Variants in IGSF21 observed in about 807,000 individuals in gnomAD.
IGSF21 encodes the protein immunoglobin superfamily member 21, also known as immunoglobulin superfamily member 21.
IGSF21 carries 28 observed loss-of-function variants against 46.8 expected under a neutral mutation model. The observed-to-expected ratio is 0.60, with a 90% CI of 0.44 to 0.82. The LOEUF is 0.82. Ranked by LOEUF, IGSF21 falls within the 40% of genes least tolerant of loss-of-function variation. IGSF21 has a pLI of 0.00. For missense variants in IGSF21, 624 were observed against 665.5 expected (o/e 0.94, Z 0.69); for synonymous variants, 284 against 273.6 (o/e 1.04, Z -0.38).
intron 3 of IGSF21, among the ~76,000 whole-genome samples, chr1:18,315,623 TTGGTAGATGGTA>T (rs2085535058): frequency 6.9e-6 from 1 of 145,360 alleles, no homozygotes; most frequent in African/African-American, 2.6e-5. Flanking sequence ...GGATGATGGA[TTGGTAGATGGTA>T]GGATGGATGG....
intron 2 of IGSF21, among the ~76,000 whole-genome samples, chr1:18,239,143 C>A (rs1388594439): frequency 2.0e-5 from 3 of 152,164 alleles, no homozygotes; most frequent in African/African-American, 7.2e-5. Flanking sequence ...TGATTTCCAG[C>A]AGATTCTTCC....
chr1:18,324,996 T>C (rs1205148975), intron 3 of IGSF21, among the ~76,000 whole-genome samples: 1 of 152,212 alleles, frequency 6.6e-6, no homozygotes, highest in Non-Finnish European at 1.5e-5. Context: ...GATGAGACAA[T>C]TTGCTCTTGA....
chr1:18,356,016 G>T (rs770759926), intron 4 of IGSF21, among the ~76,000 whole-genome samples: 1 of 151,872 alleles, frequency 6.6e-6, no homozygotes, highest in African/African-American at 2.4e-5. Flanking sequence ...CGTATTTTTA[G>T]TAGAGAGACG....
At chr1:18,269,063 A>G (rs2085436160) in intron 2 of IGSF21, among the ~76,000 whole-genome samples, 1 of 152,220 alleles carries the variant, frequency 6.6e-6, no homozygotes, top group African/African-American at 2.4e-5. Context: ...CCAGGAGCAA[A>G]TGAGCTGTAA....
chr1:18,374,797 A>C (rs1245066915), intron 6 of IGSF21, among the ~76,000 whole-genome samples: 2 of 152,188 alleles, frequency 1.3e-5, no homozygotes, highest in Non-Finnish European at 2.9e-5. Flanking sequence ...TCCGGGGACC[A>C]GCAAGGAAAG....
At chr1:18,140,241 G>T (rs1345453987) in intron 1 of IGSF21, among the ~76,000 whole-genome samples, 1 of 152,186 alleles carries the variant, frequency 6.6e-6, no homozygotes, top group Non-Finnish European at 1.5e-5. Context: ...CCTTGCTGTT[G>T]GTGTTGATAC....
intron 2 of IGSF21, among the ~76,000 whole-genome samples, chr1:18,235,890 G>A (rs2084668395): frequency 6.6e-6 from 1 of 152,170 alleles, no homozygotes; most frequent in East Asian, 1.9e-4. Flanking sequence ...CAGTGGTTTG[G>A]TTGACTACCA....
At chr1:18,222,256 G>A (rs1215048178) in intron 1 of IGSF21, among the ~76,000 whole-genome samples, 1 of 152,154 alleles carries the variant, frequency 6.6e-6, no homozygotes, top group African/African-American at 2.4e-5. Flanking sequence ...TCTGCCTCGG[G>A]GGAGGATCTC....
chr1:18,175,011 A>T (rs894210830), intron 1 of IGSF21, among the ~76,000 whole-genome samples: 5 of 152,194 alleles, frequency 3.3e-5, no homozygotes, highest in African/African-American at 1.2e-4. Context: ...CATCTTGCAG[A>T]TGATGGGTAA....
At chr1:18,336,609 T>C (rs2085769122) in intron 4 of IGSF21, among the ~76,000 whole-genome samples, 1 of 152,156 alleles carries the variant, frequency 6.6e-6, no homozygotes, top group Admixed American at 6.5e-5. Context: ...AAGGCCTCAA[T>C]CTAAGGTGCC....
intron 3 of IGSF21, among the ~76,000 whole-genome samples, chr1:18,325,765 C>T (rs996691758): frequency 9.9e-5 from 15 of 152,176 alleles, no homozygotes; most frequent in Non-Finnish European, 2.2e-4. Flanking sequence ...ATCTGTTTTC[C>T]CAGGTCTGCC....
At chr1:18,177,820 A>T (rs2124466238) in intron 1 of IGSF21, among the ~76,000 whole-genome samples, 1 of 152,264 alleles carries the variant, frequency 6.6e-6, no homozygotes, top group South Asian at 2.1e-4. Flanking sequence ...TGTCTTCAAA[A>T]TATATCCTAT....
intron 3 of IGSF21, among the ~76,000 whole-genome samples, chr1:18,309,519 C>G (rs936919530): frequency 1.3e-5 from 2 of 152,176 alleles, no homozygotes; most frequent in Non-Finnish European, 2.9e-5. Flanking sequence ...AGACCACACC[C>G]CCTCCTTTCC....
chr1:18,260,326 T>A (rs923926403), intron 2 of IGSF21, among the ~76,000 whole-genome samples: 23 of 152,216 alleles, frequency 1.5e-4, no homozygotes, highest in African/African-American at 4.8e-4. Flanking sequence ...CTTTGTCTTA[T>A]CTTTGTGCTG....
chr1:18,299,208 T>C (rs1010511014), intron 3 of IGSF21, among the ~76,000 whole-genome samples: 1 of 152,198 alleles, frequency 6.6e-6, no homozygotes, highest in Non-Finnish European at 1.5e-5. Context: ...ATTGACCAAG[T>C]AGTGGCAAGA....
chr1:18,347,262 C>T (rs563917923), intron 4 of IGSF21, among the ~76,000 whole-genome samples: 8 of 152,288 alleles, frequency 5.3e-5, no homozygotes, highest in African/African-American at 1.9e-4. Context: ...CCAGCTGTCC[C>T]TCTAATCCCC....
At chr1:18,125,172 C>A (rs1024539814) in intron 1 of IGSF21, among the ~76,000 whole-genome samples, 4 of 152,214 alleles carry the variant, frequency 2.6e-5, no homozygotes, top group Admixed American at 2.0e-4. Context: ...GCACTCCCAG[C>A]TGCCCCAGGG....
intron 2 of IGSF21, 112 bp from the exon 3 acceptor site, chr1:18,291,754 G>T: frequency 7.8e-7 from 1 of 1,283,280 alleles, no homozygotes; most frequent in Non-Finnish European, 1.1e-6. Flanking sequence ...TCTCAGGATG[G>T]GGGCTGTCCT....
chr1:18,209,858 C>T (rs1204997184), intron 1 of IGSF21, among the ~76,000 whole-genome samples: 1 of 152,094 alleles, frequency 6.6e-6, no homozygotes, highest in South Asian at 2.1e-4. Context: ...CTGCCCCAGA[C>T]ACGGTCCATG....
Sources: allele counts gnomAD v4.1 joint callset (sites outside exome capture counted in the v4.1 genomes callset), GRCh38; gene constraint gnomAD v4.1.1; transcripts MANE v1.5; gene names NCBI Gene and HGNC (gene_info 2026-07-23, HGNC 2026-07-21).